OPCML: variants seen among roughly 807,000 people sequenced by gnomAD.
The protein encoded by OPCML is opioid binding protein/cell adhesion molecule like.
A neutral mutation model predicts 37.8 loss-of-function variants in OPCML; 13 were observed. That is an observed-to-expected ratio of 0.34 (90% CI 0.22 to 0.55). The LOEUF (loss-of-function observed/expected upper bound fraction) is 0.55. Among genes scored for constraint, OPCML ranks in the 20% least tolerant of loss-of-function variants. The probability of loss-of-function intolerance (pLI) is 0.91; values close to 1 mark genes in which losing one functional copy is unlikely to be tolerated. For missense variants in OPCML, 341 were observed against 435.6 expected (o/e 0.78, Z 1.93); for synonymous variants, 176 against 168.8 (o/e 1.04, Z -0.33).
intron 1 of OPCML, among the ~76,000 whole-genome samples, chr11:133,410,456 G>A (rs548272763): frequency 6.6e-6 from 1 of 151,922 alleles, no homozygotes; most frequent in South Asian, 2.1e-4. Context: ...CCGTTTCCAG[G>A]AGCCATGCAC....
At chr11:133,023,653 C>T (rs1218085305) in intron 1 of OPCML, among the ~76,000 whole-genome samples, 1 of 152,138 alleles carries the variant, frequency 6.6e-6, no homozygotes, top group South Asian at 2.1e-4. Flanking sequence ...GCCATCACTG[C>T]CTCAAATAAA....
chr11:132,989,779 C>T (rs1442734097), intron 1 of OPCML, among the ~76,000 whole-genome samples: 1 of 152,040 alleles, frequency 6.6e-6, no homozygotes, highest in Non-Finnish European at 1.5e-5. Context: ...ATTCTGTGCA[C>T]CTGAGATTCA....
intron 1 of OPCML, among the ~76,000 whole-genome samples, chr11:133,449,640 C>A (rs1459648798): frequency 6.7e-6 from 1 of 148,350 alleles, no homozygotes; most frequent in Non-Finnish European, 1.5e-5. Context: ...AGCGGCATCA[C>A]TCCAGTCTCT....
chr11:132,607,275 C>T (rs906239384), intron 3 of OPCML, among the ~76,000 whole-genome samples: 2 of 152,210 alleles, frequency 1.3e-5, no homozygotes, highest in African/African-American at 4.8e-5. Flanking sequence ...AGGATGCTCA[C>T]TGTGCATTTG....
intron 2 of OPCML, among the ~76,000 whole-genome samples, chr11:132,747,831 G>C (rs1945688398): frequency 6.6e-6 from 1 of 152,128 alleles, no homozygotes; most frequent in Admixed American, 6.5e-5. Context: ...GCGACGTAGT[G>C]TATATATACT....
chr11:133,331,146 A>G (rs1359619197), intron 1 of OPCML, among the ~76,000 whole-genome samples: 4 of 152,226 alleles, frequency 2.6e-5, no homozygotes, highest in African/African-American at 9.7e-5. Context: ...AGAAAGTTCA[A>G]GAACGAGCAG....
intron 1 of OPCML, among the ~76,000 whole-genome samples, chr11:133,475,671 A>C (rs1224166993): frequency 6.6e-6 from 1 of 152,228 alleles, no homozygotes; most frequent in Non-Finnish European, 1.5e-5. Flanking sequence ...AAAATAAGAG[A>C]GACATCAGCA....
At chr11:133,090,696 A>G (rs1018059768) in intron 1 of OPCML, among the ~76,000 whole-genome samples, 19 of 152,204 alleles carry the variant, frequency 1.2e-4, no homozygotes, top group African/African-American at 4.6e-4. Flanking sequence ...GGTGCTGCAC[A>G]GCTTCTCCTG....
At chr11:133,418,350 G>A (rs1308821945) in intron 1 of OPCML, 1 of 985,214 alleles carries the variant, frequency 1.0e-6, no homozygotes, top group African/African-American at 1.7e-5. Flanking sequence ...GCATTCAATA[G>A]GGGTAAAAAA....
At chr11:132,926,501 G>C (rs1944999438) in intron 2 of OPCML, among the ~76,000 whole-genome samples, 1 of 152,144 alleles carries the variant, frequency 6.6e-6, no homozygotes, top group African/African-American at 2.4e-5. Context: ...GGAAAAAAAG[G>C]ATGCACACAA....
intron 1 of OPCML, among the ~76,000 whole-genome samples, chr11:132,971,416 G>C (rs539122075): frequency 6.6e-6 from 1 of 152,132 alleles, no homozygotes; most frequent in African/African-American, 2.4e-5. Context: ...GGACATGCGC[G>C]AGTCTTCAAG....
intron 1 of OPCML, among the ~76,000 whole-genome samples, chr11:133,522,946 T>C (rs1284269832): frequency 6.6e-6 from 1 of 152,146 alleles, no homozygotes; most frequent in African/African-American, 2.4e-5. Context: ...CGGTGGGCCA[T>C]GTGGAGGTCA....
chr11:133,090,011 A>G (rs1318931869), intron 1 of OPCML, among the ~76,000 whole-genome samples: 1 of 152,218 alleles, frequency 6.6e-6, no homozygotes, highest in Admixed American at 6.5e-5. Flanking sequence ...GTACACAGGT[A>G]AATTCACAAG....
intron 3 of OPCML, among the ~76,000 whole-genome samples, chr11:132,581,747 A>G (rs2096462447): frequency 1.3e-5 from 2 of 152,120 alleles, no homozygotes; most frequent in African/African-American, 4.8e-5. Flanking sequence ...TAAAGATTAG[A>G]GGCAATGTCT....
chr11:133,322,311 A>T (rs1943350109), intron 1 of OPCML, among the ~76,000 whole-genome samples: 1 of 152,246 alleles, frequency 6.6e-6, no homozygotes, highest in South Asian at 2.1e-4. Context: ...TGAGATTAAA[A>T]ACATATCATG....
chr11:132,536,829 G>C (rs911289077), intron 3 of OPCML, among the ~76,000 whole-genome samples: 2 of 152,218 alleles, frequency 1.3e-5, no homozygotes, highest in Admixed American at 1.3e-4. Flanking sequence ...TGCATGAAGT[G>C]TAAGGAGGAG....
At chr11:132,782,596 A>T (rs1480301742) in intron 2 of OPCML, among the ~76,000 whole-genome samples, 2 of 151,992 alleles carry the variant, frequency 1.3e-5, no homozygotes, top group East Asian at 3.9e-4. Context: ...TACTGGAGAG[A>T]TTCAGGAGAT....
At chr11:132,917,945 G>T (rs867868984) in intron 2 of OPCML, among the ~76,000 whole-genome samples, 3 of 152,274 alleles carry the variant, frequency 2.0e-5, no homozygotes, top group Admixed American at 1.3e-4. Context: ...GGTGCTCCAT[G>T]ATTTCTGGAA....
intron 2 of OPCML, among the ~76,000 whole-genome samples, chr11:132,702,532 A>C (rs1188386298): frequency 2.2e-4 from 33 of 152,282 alleles, no homozygotes; most frequent in Non-Finnish European, 2.9e-5. Flanking sequence ...ATAATGTGTC[A>C]AAGTGAAGAT....
Sources: gnomAD v4.1 joint callset for allele counts (sites outside exome capture counted in the v4.1 genomes callset) on GRCh38, gnomAD v4.1.1 for gene constraint, MANE v1.5 for transcripts, NCBI Gene and HGNC (gene_info 2026-07-23, HGNC 2026-07-21) for gene names.